The following PRKAG2 variants were observed in gnomAD, a reference collection of about 807,000 sequenced individuals.
PRKAG2 encodes the protein protein kinase AMP-activated non-catalytic subunit gamma 2, also known as 5'-AMP-activated protein kinase subunit gamma-2.
A neutral mutation model predicts 69.6 loss-of-function variants in PRKAG2; 26 were observed. The ratio of observed to expected loss-of-function variants is 0.37; its 90% CI spans 0.27 to 0.52. The LOEUF (loss-of-function observed/expected upper bound fraction) is 0.52. Among genes scored for constraint, PRKAG2 ranks in the 20% least tolerant of loss-of-function variants. The pLI is 0.90. For synonymous variants in PRKAG2, 293 were observed against 285.0 expected, an observed-to-expected ratio of 1.03 and a Z score of -0.28; for missense variants, 557 against 740.0, an observed-to-expected ratio of 0.75 and a Z score of 2.87.
At chr7:151,848,330 G>A (rs1016821124) in intron 1 of PRKAG2, among the ~76,000 whole-genome samples, 4 of 152,030 alleles carry the variant, frequency 2.6e-5, no homozygotes, top group Admixed American at 2.0e-4. Flanking sequence ...AAGTCACAGT[G>A]TGCAAGGTGC....
Position 151,648,861 on chromosome 7 carries a change from CAGAA to C in PRKAG2, c.685-16727_685-16724del, listed in dbSNP as rs1447619902. 2.6e-5 allele frequency among the ~76,000 whole-genome samples: 4 copies of C among 151,744 alleles called. No individual in the cohort carries two copies. The East Asian group carries it at 7.7e-4, about 29-fold the overall frequency. On this transcript the variant is annotated intron_variant, in intron 4 of 15. Coordinates refer to ENST00000287878, the MANE Select transcript of PRKAG2 (RefSeq NM_016203.4). The stretch of plus-strand genomic sequence containing the variant: ...GTGAGACCCCCGTCTCTTTAAAAAA[CAGAA>C]AGAAAGGGGAAAAATCAGGTATGTG...
rs572866515 is a variant in PRKAG2, at chr7:151,559,469, C to T, written c.1678+1055G>A. 6.8e-5 allele frequency: 67 copies of T among 984,844 alleles called. 1 individual carries two copies. In the South Asian group the frequency reaches 2.8e-3, roughly 41 times the overall value. The allele number at this position is 984,844 out of a possible 1,614,324, so 61.0% of individuals were successfully genotyped here. A position where few individuals can be genotyped will look rare whatever the true frequency, so the allele number is the denominator to read the frequency against. On this transcript the variant is annotated intron_variant, in intron 15 of 15. Transcript: ENST00000287878. ...TGATTCAGTGGATATGGGACGGGGC[C>T]CCAACATGAACATTTCATTTTCTAG...
At chr7:151,633,242 G>C (rs1258903579) in intron 4 of PRKAG2, 1 of 152,118 alleles carries the variant, frequency 6.6e-6, no homozygotes, top group Admixed American at 6.5e-5. Context: ...AAAAGAAAAG[G>C]GGTGGGGAGA....
At chr7:151,613,161 C>T (rs1377545573) in intron 5 of PRKAG2, among the ~76,000 whole-genome samples, 1 of 152,282 alleles carries the variant, frequency 6.6e-6, no homozygotes, top group Admixed American at 6.5e-5. Flanking sequence ...TTGGGGTTGA[C>T]GCAGTATCTT....
intron 3 of PRKAG2, among the ~76,000 whole-genome samples, chr7:151,708,656 C>T (rs1245854761): frequency 6.6e-6 from 1 of 152,176 alleles, no homozygotes; most frequent in Non-Finnish European, 1.5e-5. Context: ...CTGTCGTACC[C>T]CGTGTTAGCC....
intron 1 of PRKAG2, among the ~76,000 whole-genome samples, chr7:151,849,749 G>C (rs558243244): frequency 6.6e-6 from 1 of 152,102 alleles, no homozygotes; most frequent in African/African-American, 2.4e-5. Flanking sequence ...TGCTCCCCAC[G>C]GGCCTGTGTC....
At chr7:151,646,417 GTATT>G (rs932669975) in intron 4 of PRKAG2, among the ~76,000 whole-genome samples, 2 of 152,104 alleles carry the variant, frequency 1.3e-5, no homozygotes, top group African/African-American at 4.8e-5. Context: ...TTATTCCTAA[GTATT>G]TATTTTTTGA....
chr7:151,581,409 A>G (rs1196769119), intron 6 of PRKAG2, among the ~76,000 whole-genome samples: 1 of 152,224 alleles, frequency 6.6e-6, no homozygotes, highest in Non-Finnish European at 1.5e-5. Flanking sequence ...AGGGCCAATG[A>G]GTCCAATGGA....
intron 4 of PRKAG2, among the ~76,000 whole-genome samples, chr7:151,641,578 G>A (rs973546516): frequency 6.6e-6 from 1 of 151,488 alleles, no homozygotes; most frequent in African/African-American, 2.4e-5. Flanking sequence ...ACTGGGTCTT[G>A]CTCTGTCACC....
chr7:151,841,189 T>C (rs1381090292), intron 1 of PRKAG2, among the ~76,000 whole-genome samples: 1 of 152,138 alleles, frequency 6.6e-6, no homozygotes, highest in Admixed American at 6.5e-5. Flanking sequence ...GGTTTCCCTA[T>C]GTTGCCATGG....
At chr7:151,813,011 C>G (rs1282000283) in intron 1 of PRKAG2, among the ~76,000 whole-genome samples, 1 of 151,864 alleles carries the variant, frequency 6.6e-6, no homozygotes, top group Admixed American at 6.6e-5. Context: ...GGGGAAGCAG[C>G]TGGAAGGTGA....
At chr7:151,666,403 C>A (rs1455820855) in intron 4 of PRKAG2, among the ~76,000 whole-genome samples, 1 of 152,206 alleles carries the variant, frequency 6.6e-6, no homozygotes, top group Non-Finnish European at 1.5e-5. Context: ...AGAAACTGAA[C>A]CTGCCAACAC....
intron 1 of PRKAG2, among the ~76,000 whole-genome samples, chr7:151,845,945 C>T (rs1380354285): frequency 1.3e-5 from 2 of 152,154 alleles, no homozygotes; most frequent in South Asian, 2.1e-4. Flanking sequence ...GGAACACAGA[C>T]GGGTGCTGTC....
chr7:151,766,893 T>A, intron 3 of PRKAG2, among the ~76,000 whole-genome samples: 1 of 152,204 alleles, frequency 6.6e-6, no homozygotes, highest in East Asian at 1.9e-4. Flanking sequence ...GATAGTCCTA[T>A]GTCATGGGTT....
At chr7:151,745,873 C>T (rs1055640375) in intron 3 of PRKAG2, among the ~76,000 whole-genome samples, 12 of 152,156 alleles carry the variant, frequency 7.9e-5, no homozygotes, top group African/African-American at 2.9e-4. Context: ...GCCTGGCAAC[C>T]CTGCAGTCGC....
At chr7:151,864,393 C>G (rs751696602) in intron 1 of PRKAG2, among the ~76,000 whole-genome samples, 1 of 152,174 alleles carries the variant, frequency 6.6e-6, no homozygotes, top group African/African-American at 2.4e-5. Flanking sequence ...CATTATACGG[C>G]GGTCCAGGGT....
At position 151,876,710 on chromosome 7, in the gene PRKAG2, C is replaced by T. The variant is rs76351165; in HGVS notation, c.-90G>A. ...GGCCGCTGCCTTCGGACTGGAGCCG[C>T]GCGCTCTGTTACACCCTGAAGCCAC... is the stretch of plus-strand genomic sequence containing the variant. On this transcript the variant is annotated 5_prime_UTR_variant, in exon 1 of 16. Coordinates refer to ENST00000287878, the MANE Select transcript of PRKAG2 (RefSeq NM_016203.4). The T allele has an allele frequency of 2.3e-6, 3 of 1,284,564 alleles. No homozygotes were observed. The highest frequency in any genetic ancestry group is 3.3e-6 in the Non-Finnish European group (3 of 907,224). 79.6% of individuals were successfully genotyped at this position (1,284,564 alleles called of 1,614,324 possible).
At chr7:151,569,990 G>C (rs1180798049) in intron 10 of PRKAG2, among the ~76,000 whole-genome samples, 181 bp downstream of exon 10, 1 of 152,200 alleles carries the variant, frequency 6.6e-6, no homozygotes, top group East Asian at 1.9e-4. Flanking sequence ...CTTAGCACCA[G>C]CAACGGCTGT....
chr7:151,726,384 A>G (rs1797958160), intron 3 of PRKAG2, among the ~76,000 whole-genome samples: 1 of 86,590 alleles, frequency 1.2e-5, no homozygotes, highest in Admixed American at 1.2e-4. Context: ...ACACACACAC[A>G]CACACACACA....
Sources: allele counts gnomAD v4.1 joint callset (sites outside exome capture counted in the v4.1 genomes callset), GRCh38; gene constraint gnomAD v4.1.1; transcripts MANE v1.5; gene names NCBI Gene and HGNC (gene_info 2026-07-23, HGNC 2026-07-21).